SIRT1: variants seen among roughly 807,000 people sequenced by gnomAD.
The protein encoded by SIRT1 is sirtuin 1.
A neutral mutation model predicts 67.9 loss-of-function variants in SIRT1; 24 were observed. The observed-to-expected ratio is 0.35, with a 90% confidence interval of 0.26 to 0.50. The LOEUF is 0.50. SIRT1 is among the 20% of genes least tolerant of loss of function. The pLI, the probability that SIRT1 is intolerant of heterozygous loss-of-function variation, is 0.98. For synonymous variants in SIRT1, 378 were observed against 350.7 expected, an observed-to-expected ratio of 1.08 and a Z score of -0.87; for missense variants, 873 against 937.2, an observed-to-expected ratio of 0.93 and a Z score of 0.89.
At chr10:67,897,647 C>T (rs1842678992) in intron 4 of SIRT1, among the ~76,000 whole-genome samples, 1 of 151,972 alleles carries the variant, frequency 6.6e-6, no homozygotes, top group South Asian at 2.1e-4. Context: ...CAGGCATGAG[C>T]CACTGTGCCT....
At chr10:67,897,778 G>C (rs1374206748) in intron 4 of SIRT1, among the ~76,000 whole-genome samples, 1 of 151,710 alleles carries the variant, frequency 6.6e-6, no homozygotes, top group Non-Finnish European at 1.5e-5. Flanking sequence ...GATTACAGGC[G>C]TGAGCCACTT....
chr10:67,884,731 G>C lies in SIRT1; in HGVS notation c.10G>C (p.Glu4Gln). 1 of 1,229,102 alleles carries C rather than the reference G, an allele frequency of 8.1e-7. No homozygotes were observed. Among genetic ancestry groups the C allele is most frequent in the Non-Finnish European group, 1.0e-6 (1 of 986,280 alleles). The allele number at this position is 1,229,102 out of a possible 1,614,324, so 76.1% of individuals were successfully genotyped here. A position where few individuals can be genotyped will look rare whatever the true frequency, so the allele number is the denominator to read the frequency against. The change falls in exon 1 of 9, where the codon GAG (glutamate) becomes CAG (glutamine). Residue 4 changes from glutamate to glutamine, a missense_variant. This residue lies in a region of SIRT1 where 327 missense variants were observed against 283.9 expected (regional missense o/e 1.15). Coordinates refer to ENST00000212015, the MANE Select transcript of SIRT1 (RefSeq NM_012238.5). MAD[E>Q]AALALQPGGS... ...GAGAGGCAGTTGGAAGATGGCGGACGAGGCGGCCCTCGCCCTTCAGCCCGG... is the reference window on the plus strand; with the variant it reads ...GAGAGGCAGTTGGAAGATGGCGGACCAGGCGGCCCTCGCCCTTCAGCCCGG...
rs201862792 is a variant in SIRT1 at position 67,888,964 on chromosome 10, A to G, written c.630A>G (p.Ile210Met). The change falls in exon 3 of 9, where the codon ATA becomes ATG. Residue 210 changes from isoleucine to methionine, a missense_variant. By Grantham distance (10) the Ile-to-Met change is conservative. Coordinates refer to ENST00000212015, the MANE Select transcript of SIRT1 (RefSeq NM_012238.5). ...TTAAAGATTTATTGCCGGAAACAATACCTCCACCTGAGTTGGATGATATGA... is the reference window on the plus strand; with the variant it reads ...TTAAAGATTTATTGCCGGAAACAATGCCTCCACCTGAGTTGGATGATATGA... ...TILKDLLPET[I>M]PPPELDDMTL... 5.0e-6 allele frequency: 8 copies of G among 1,613,958 alleles called. No homozygotes were observed. Among genetic ancestry groups the G allele is most frequent in the Non-Finnish European group, 6.8e-6 (8 of 1,179,938 alleles).
intron 6 of SIRT1, among the ~76,000 whole-genome samples, chr10:67,908,490 T>C (rs1842852449): frequency 6.6e-6 from 1 of 152,206 alleles, no homozygotes; most frequent in Non-Finnish European, 1.5e-5. Flanking sequence ...TACATGTTCA[T>C]TGCCAAAAAA....
chr10:67,891,885 A>G (rs143417759), intron 4 of SIRT1, among the ~76,000 whole-genome samples: 2 of 152,362 alleles, frequency 1.3e-5, no homozygotes, highest in African/African-American at 2.4e-5. Flanking sequence ...ATATTTTATT[A>G]GAGATTGTAA....
At chr10:67,890,201 G>A (rs1223506340) in intron 3 of SIRT1, among the ~76,000 whole-genome samples, 5 of 151,828 alleles carry the variant, frequency 3.3e-5, no homozygotes, top group African/African-American at 7.3e-5. Context: ...GATTACAGGC[G>A]CACACCACCA....
intron 8 of SIRT1, among the ~76,000 whole-genome samples, chr10:67,915,437 A>G (rs538191188): frequency 6.6e-6 from 1 of 152,342 alleles, no homozygotes; most frequent in African/African-American, 2.4e-5. Flanking sequence ...TGCTGTAGAA[A>G]GAACTTCATT....
chr10:67,885,284 C>G (rs1050630790), intron 1 of SIRT1, 133 bp downstream of exon 1: 22 of 1,243,226 alleles, frequency 1.8e-5, no homozygotes, highest in Non-Finnish European at 2.0e-5. Flanking sequence ...CCCGGCCCTC[C>G]GTTCAGCCGC....
chr10:67,908,504 A>G (rs1842852644), intron 6 of SIRT1, among the ~76,000 whole-genome samples: 1 of 152,224 alleles, frequency 6.6e-6, no homozygotes, highest in Admixed American at 6.5e-5. Flanking sequence ...CAAAAAATAT[A>G]GGAAAATTTG....
chr10:67,900,095 C>A (rs1190964085), intron 4 of SIRT1, among the ~76,000 whole-genome samples: 2 of 152,016 alleles, frequency 1.3e-5, no homozygotes, highest in Non-Finnish European at 2.9e-5. Context: ...AAAATAAATA[C>A]AATTTTAAAT....
intron 7 of SIRT1, among the ~76,000 whole-genome samples, chr10:67,911,419 C>T (rs199683376): frequency 3.3e-5 from 5 of 152,052 alleles, no homozygotes; most frequent in Non-Finnish European, 7.4e-5. Context: ...TCACAAACTC[C>T]TGGCCTCAAG....
chr10:67,893,390 A>G lies in SIRT1; in HGVS notation c.942+1836A>G, dbSNP rs542323522. On this transcript the variant is annotated intron_variant, in intron 4 of 8. Transcript: ENST00000212015. The stretch of plus-strand genomic sequence containing the variant: ...TCAACTCTCACTTATGAGTGAGGAC[A>G]TGTGGTGTTTGGTTTTCTGTTCTTG... Among the ~76,000 whole-genome samples the G allele has an allele frequency of 3.0e-4, 46 of 152,228 alleles. 1 individual carries two copies. The South Asian group carries it at 9.1e-3, about 30-fold the overall frequency.
intron 4 of SIRT1, among the ~76,000 whole-genome samples, chr10:67,905,155 T>C (rs1429756281): frequency 1.3e-5 from 2 of 152,204 alleles, no homozygotes; most frequent in Non-Finnish European, 1.5e-5. Flanking sequence ...TTGCCTAGCA[T>C]ATTCTCATAG....
intron 3 of SIRT1, 85 bp downstream of exon 3, chr10:67,889,208 G>A: frequency 5.6e-6 from 8 of 1,420,424 alleles, no homozygotes; most frequent in Non-Finnish European, 7.5e-6. Flanking sequence ...GGTTTAGAAG[G>A]ATTTATCCTT....
chr10:67,894,054 C>T (rs1842615873), intron 4 of SIRT1, among the ~76,000 whole-genome samples: 1 of 152,148 alleles, frequency 6.6e-6, no homozygotes, highest in Non-Finnish European at 1.5e-5. Flanking sequence ...ATAGGAAGAT[C>T]TCTTGAACTC....
chr10:67,905,359 G>GCT (rs1842805414), intron 4 of SIRT1, among the ~76,000 whole-genome samples: 1 of 152,142 alleles, frequency 6.6e-6, no homozygotes, highest in Non-Finnish European at 1.5e-5. Context: ...CTTTTCCCTT[G>GCT]CTACTATATG....
chr10:67,910,388 C>G (rs17526356), intron 7 of SIRT1, among the ~76,000 whole-genome samples: 71,180 of 151,856 alleles, frequency 0.47, 20,695 homozygotes, highest in Non-Finnish European at 0.66. Flanking sequence ...AAATCAAAAA[C>G]AAACCCAGAA....
intron 5 of SIRT1, among the ~76,000 whole-genome samples, chr10:67,907,366 G>C (rs1304996523): frequency 6.6e-6 from 1 of 151,744 alleles, no homozygotes; most frequent in African/African-American, 2.4e-5. Flanking sequence ...ATGGTGGCAG[G>C]CGCCTGTAAT....
Position 67,909,516 on chromosome 10 carries a change from T to C in SIRT1, c.1357+74T>C, listed in dbSNP as rs967101177. Reference sequence around the variant, plus strand: ...GGTTGTGGGTCTGTATAATAGACGCTAGTAATCTTAACTCTGCTTCTGTTT... The same window carrying C: ...GGTTGTGGGTCTGTATAATAGACGCCAGTAATCTTAACTCTGCTTCTGTTT... On this transcript the variant is annotated intron_variant, in intron 7 of 8. Coordinates refer to ENST00000212015, the MANE Select transcript of SIRT1 (RefSeq NM_012238.5). 10 of 1,194,404 alleles carry C rather than the reference T, an allele frequency of 8.4e-6. No homozygotes were observed. In the African/African-American group the frequency reaches 1.6e-4, roughly 19 times the overall value. The allele number at this position is 1,194,404 out of a possible 1,614,324, so 74.0% of individuals were successfully genotyped here. A position where few individuals can be genotyped will look rare whatever the true frequency, so the allele number is the denominator to read the frequency against.
Sources: gnomAD v4.1 joint callset for allele counts (sites outside exome capture counted in the v4.1 genomes callset) on GRCh38, gnomAD v4.1.1 for gene constraint, gnomAD v4.1.1 regional missense constraint, MANE v1.5 for transcripts, NCBI Gene and HGNC (gene_info 2026-07-23, HGNC 2026-07-21) for gene names.